SPEN: variants seen among roughly 807,000 people sequenced by gnomAD.
SPEN encodes spen family transcriptional repressor, also known as msx2-interacting protein.
In SPEN, 18 loss-of-function variants were observed where a neutral mutation model predicts 269.9. The observed-to-expected ratio is 0.07, with a 90% CI of 0.05 to 0.10. SPEN has a LOEUF of 0.10. SPEN is among the 10% of genes least tolerant of loss of function. The pLI is 1.00. For missense variants in SPEN, 3,822 were observed against 4,631.2 expected, an observed-to-expected ratio of 0.83 and a Z score of 5.07; for synonymous variants, 1,726 against 1,765.7, an observed-to-expected ratio of 0.98 and a Z score of 0.56.
chr1:15,865,404 A>G (rs1010050493), intron 1 of SPEN, among the ~76,000 whole-genome samples: 2 of 135,710 alleles, frequency 1.5e-5, no homozygotes, highest in African/African-American at 2.8e-5. Flanking sequence ...AAATCTTCCT[A>G]TGCAGGTATA....
chr1:15,863,196 C>T (rs754084242), intron 1 of SPEN, among the ~76,000 whole-genome samples: 1 of 152,112 alleles, frequency 6.6e-6, no homozygotes, highest in Non-Finnish European at 1.5e-5. Context: ...CTGCAGTGAG[C>T]CAAGATTGTG....
rs138786955 is a variant in SPEN, at chr1:15,932,939, C to G, written c.6699C>G (p.Phe2233Leu). The G allele has an allele frequency of 1.9e-6, 3 of 1,614,238 alleles. No individual in the cohort carries two copies. The highest frequency in any genetic ancestry group is 1.6e-4 in the Middle Eastern group (1 of 6,062). ...INDISGEPEN[F>L]PAPPPYPGES... Reference sequence around the variant, plus strand: ...ACATTTCTGGGGAGCCAGAAAACTTCCCAGCACCTCCACCTTATCCTGGAG... The same window carrying G: ...ACATTTCTGGGGAGCCAGAAAACTTGCCAGCACCTCCACCTTATCCTGGAG... Residue 2233 changes from phenylalanine (F) to leucine (L), a missense_variant, in exon 11 of 15, where the codon TTC becomes TTG. Phe to Leu is a conservative substitution (Grantham distance 22). Transcript: ENST00000375759. The surrounding 1 kb of genome is among the most constrained non-coding windows in gnomAD (Gnocchi z 4.2).
At chr1:15,926,563 A>G (rs2071169698) in intron 10 of SPEN, among the ~76,000 whole-genome samples, 1 of 152,066 alleles carries the variant, frequency 6.6e-6, no homozygotes, top group Non-Finnish European at 1.5e-5. Context: ...AGCAGCTTTG[A>G]TATATTTTTC....
At chr1:15,853,171 T>A (rs1157531293) in intron 1 of SPEN, among the ~76,000 whole-genome samples, 1 of 152,078 alleles carries the variant, frequency 6.6e-6, no homozygotes, top group African/African-American at 2.4e-5. Flanking sequence ...ATTTTTATTT[T>A]CATTATTTTT....
Position 15,935,643 on chromosome 1 carries a change from C to T in SPEN, c.9403C>T (p.Gln3135Ter), listed in dbSNP as rs368082483. 1 of 1,613,990 alleles carries T rather than the reference C, an allele frequency of 6.2e-7. No homozygotes were observed. The highest frequency in any genetic ancestry group is 1.3e-5 in the African/African-American group (1 of 74,920). Reference protein sequence around the residue: ...QPQQIEVRAPQRASTPQPAPA... With the variant: ...QPQQIEVRAP ...CCAGCAAATAGAGGTCAGGGCCCCA[C>T]AGCGTGCCAGCACCCCGCAGCCAGC... The change falls in exon 11 of 15, where the codon CAG becomes TAG. Residue 3135 changes from glutamine (Q) to a stop codon, truncating the protein, a stop_gained. Transcript: ENST00000375759. LOFTEE classifies it high-confidence loss of function. The surrounding 1 kb of genome is among the most constrained non-coding windows in gnomAD (Gnocchi z 7.7).
At chr1:15,907,328 A>G (rs1376889641) in intron 3 of SPEN, among the ~76,000 whole-genome samples, 1 of 152,040 alleles carries the variant, frequency 6.6e-6, no homozygotes, top group Non-Finnish European at 1.5e-5. Context: ...CTAAAAATAT[A>G]AAAAATAGCT....
intron 3 of SPEN, among the ~76,000 whole-genome samples, chr1:15,879,916 C>G (rs966166082): frequency 6.6e-6 from 1 of 152,088 alleles, no homozygotes; most frequent in Non-Finnish European, 1.5e-5. Context: ...GCCATCCGCC[C>G]GCCTCGACCT....
chr1:15,935,999 TGTCCCC>T lies in SPEN; in HGVS notation c.9760_9765del (p.Val3254_Pro3255del). On this transcript the variant is annotated inframe_deletion, in exon 11 of 15. Coordinates refer to ENST00000375759, the MANE Select transcript of SPEN (RefSeq NM_015001.3). This position sits in a 1 kb window ranked among gnomAD's most constrained non-coding sequence, Gnocchi z 7.7. ...CCACCCCTGCCCCCGTCCCTGTCCC[TGTCCCC>T]CTTCCTGCCCCTGCTCCTGCCCCTC... 1 of 1,044,120 alleles carries T rather than the reference TGTCCCC, an allele frequency of 9.6e-7. No individual in the cohort carries two copies. Among genetic ancestry groups the T allele is most frequent in the Non-Finnish European group, 1.3e-6 (1 of 775,312 alleles). 64.7% of individuals were successfully genotyped at this position (1,044,120 alleles called of 1,614,324 possible).
chr1:15,933,778 C>T lies in SPEN; in HGVS notation c.7538C>T (p.Thr2513Ile), dbSNP rs1408746512. The change falls in exon 11 of 15, where the codon ACT becomes ATT. Residue 2513 changes from threonine (T) to isoleucine (I), a missense_variant. Physicochemically the swap from Thr to Ile is moderately conservative, Grantham distance 89. This residue lies in a region of SPEN where 727 missense variants were observed against 737.9 expected (regional missense o/e 0.99). Transcript: ENST00000375759. The surrounding 1 kb of genome is among the most constrained non-coding windows in gnomAD (Gnocchi z 5.7). Reference sequence around the variant, plus strand: ...CAGGAGGAGCCACGGGCTCAGTCTACTCCATCTCCAGCTCTTCCCCCAGAC... The same window carrying T: ...CAGGAGGAGCCACGGGCTCAGTCTATTCCATCTCCAGCTCTTCCCCCAGAC... The part of the protein sequence containing the change: ...TRQEEPRAQS[T>I]PSPALPPDTK... 2 of 1,613,864 alleles carry T rather than the reference C, an allele frequency of 1.2e-6. No individual in the cohort carries two copies. Among genetic ancestry groups the T allele is most frequent in the East Asian group, 2.2e-5 (1 of 44,890 alleles).
chr1:15,860,111 CT>C (rs1294776810), intron 1 of SPEN, among the ~76,000 whole-genome samples: 4 of 151,568 alleles, frequency 2.6e-5, no homozygotes, highest in African/African-American at 9.7e-5. Context: ...CGGGGTTTCA[CT>C]GTGTTAGCCA....
At chr1:15,888,053 A>G (rs1007169613) in intron 3 of SPEN, among the ~76,000 whole-genome samples, 2 of 151,858 alleles carry the variant, frequency 1.3e-5, no homozygotes, top group African/African-American at 4.8e-5. Context: ...ATTAAAAATA[A>G]TAACAAGTAA....
chr1:15,854,899 C>G (rs2070370190), intron 1 of SPEN, among the ~76,000 whole-genome samples: 1 of 152,128 alleles, frequency 6.6e-6, no homozygotes. Context: ...TCAGATTGTT[C>G]TCCCTACATG....
At chr1:15,901,356 A>G (rs532549014) in intron 3 of SPEN, among the ~76,000 whole-genome samples, 42 of 151,750 alleles carry the variant, frequency 2.8e-4, no homozygotes, top group African/African-American at 1.0e-3. Flanking sequence ...AATAAAAAAA[A>G]AATAGGCTGG....
intron 3 of SPEN, among the ~76,000 whole-genome samples, chr1:15,892,012 C>CTTTTTTTTTTTTT (rs71003216): frequency 3.9e-4 from 29 of 74,566 alleles, no homozygotes; most frequent in African/African-American, 6.1e-4. Context: ...TTTCTTTTTA[C>CTTTTTTTTTTTTT]TTTTTTTTTT....
rs2071226451 is a variant in SPEN at position 15,932,042 on chromosome 1, G to A, written c.5802G>A (p.Leu1934=). 2 of 1,614,088 alleles carry A rather than the reference G, an allele frequency of 1.2e-6. No homozygotes were observed. The highest frequency in any genetic ancestry group is 2.7e-5 in the African/African-American group (2 of 74,934). ...AACCAAGAGTGACCAGAAAGAGATTGGAGCGAGAGCTTCAGGAGGCTGCAG... is the reference window on the plus strand; with the variant it reads ...AACCAAGAGTGACCAGAAAGAGATTAGAGCGAGAGCTTCAGGAGGCTGCAG... ...VEQPRVTRKR[L]ERELQEAAAV... Residue 1934 remains leucine, a synonymous_variant, in exon 11 of 15, where the codon TTG becomes TTA. Coordinates refer to ENST00000375759, the MANE Select transcript of SPEN (RefSeq NM_015001.3). The surrounding 1 kb of genome is among the most constrained non-coding windows in gnomAD (Gnocchi z 4.2).
intron 1 of SPEN, among the ~76,000 whole-genome samples, chr1:15,864,470 G>GTTTT (rs371257174): frequency 3.0e-5 from 4 of 132,358 alleles, no homozygotes; most frequent in Admixed American, 1.5e-4. Context: ...GTGCCGGCCG[G>GTTTT]TTTTTTTTTT....
At chr1:15,893,216 A>T (rs910704440) in intron 3 of SPEN, among the ~76,000 whole-genome samples, 1 of 152,216 alleles carries the variant, frequency 6.6e-6, no homozygotes, top group Admixed American at 6.5e-5. Context: ...AATAGACTGG[A>T]ATTCAGTTGT....
At chr1:15,873,389 T>A in intron 2 of SPEN, 1 of 1,199,546 alleles carries the variant, frequency 8.3e-7, no homozygotes, top group Non-Finnish European at 1.0e-6. Flanking sequence ...GAAGCTTCAT[T>A]TTTGGAGTTA....
chr1:15,923,705 T>TG (rs1390011296), intron 10 of SPEN, among the ~76,000 whole-genome samples: 12 of 151,842 alleles, frequency 7.9e-5, no homozygotes, highest in Admixed American at 7.9e-4. Context: ...AGTCTTGCTC[T>TG]GTGGTCTAGG....
Sources: allele counts gnomAD v4.1 joint callset (sites outside exome capture counted in the v4.1 genomes callset), GRCh38; gene constraint gnomAD v4.1.1; regional missense constraint gnomAD v4.1.1; non-coding constraint Gnocchi (gnomAD v3.1); transcripts MANE v1.5; gene names NCBI Gene and HGNC (gene_info 2026-07-23, HGNC 2026-07-21).